The following PTPRQ variants were observed in gnomAD, a reference collection of about 807,000 sequenced individuals.
The protein encoded by PTPRQ is phosphatidylinositol phosphatase PTPRQ.
In PTPRQ, 199 loss-of-function variants were observed where a neutral mutation model predicts 246.0. The ratio of observed to expected loss-of-function variants is 0.81; its 90% CI spans 0.72 to 0.91. PTPRQ has a LOEUF of 0.91. Ranked by LOEUF, PTPRQ falls within the 40% of genes least tolerant of loss-of-function variation. The pLI, the probability that PTPRQ is intolerant of heterozygous loss-of-function variation, is 0.00. For missense variants in PTPRQ, 2,624 were observed against 2,528.4 expected (o/e 1.04, Z -0.81); for synonymous variants, 869 against 853.2 (o/e 1.02, Z -0.32).
At position 80,506,818 on chromosome 12, in the gene PTPRQ, T is replaced by A. The variant is rs114065774; in HGVS notation, c.2557+148T>A. 2.4e-3 allele frequency: 1,367 copies of A among 567,590 alleles called. 19 individuals are homozygous for A. In the African/African-American group the frequency reaches 0.025, roughly 10 times the overall value. 35.2% of individuals were successfully genotyped at this position (567,590 alleles called of 1,614,324 possible). A position where few individuals can be genotyped will look rare whatever the true frequency, so the allele number is the denominator to read the frequency against. On this transcript the variant is annotated intron_variant, in intron 16 of 44. Transcript: ENST00000644991. ...TTATACAGAGATTTCATTGTCATGG[T>A]ATAAAAGAAGCTAGCAACATCAGAT...
intron 43 of PTPRQ, among the ~76,000 whole-genome samples, chr12:80,676,997 C>G (rs11114565): frequency 0.37 from 56,848 of 151,828 alleles, 11,192 homozygotes; most frequent in African/African-American, 0.5. Context: ...AAACTTTTTT[C>G]ACAACAGTAT....
chr12:80,452,398 C>G (rs1259541950), intron 3 of PTPRQ, among the ~76,000 whole-genome samples: 1 of 152,154 alleles, frequency 6.6e-6, no homozygotes, highest in Non-Finnish European at 1.5e-5. Context: ...TGAATTTGAT[C>G]CTGTCATTAT....
chr12:80,480,404 G>A (rs1474827749), intron 8 of PTPRQ, among the ~76,000 whole-genome samples: 2 of 151,968 alleles, frequency 1.3e-5, no homozygotes, highest in East Asian at 3.9e-4. Context: ...AGCACTAAAT[G>A]CCCACAAGAG....
chr12:80,620,734 A>G (rs923576037), intron 32 of PTPRQ, among the ~76,000 whole-genome samples: 8 of 151,922 alleles, frequency 5.3e-5, no homozygotes, highest in African/African-American at 1.9e-4. Flanking sequence ...TTTACCATCC[A>G]TGCTGATGTA....
intron 25 of PTPRQ, among the ~76,000 whole-genome samples, chr12:80,567,588 T>C (rs1475860969): frequency 1.3e-5 from 2 of 152,220 alleles, no homozygotes; most frequent in African/African-American, 4.8e-5. Flanking sequence ...TCTCTTATGC[T>C]AGGTGGCCTG....
intron 17 of PTPRQ, among the ~76,000 whole-genome samples, chr12:80,525,005 G>A (rs1034589574): frequency 6.6e-6 from 1 of 152,148 alleles, no homozygotes; most frequent in Non-Finnish European, 1.5e-5. Flanking sequence ...TAAGCTTATT[G>A]CATCAACTCA....
chr12:80,466,379 A>T (rs547554187), intron 6 of PTPRQ, among the ~76,000 whole-genome samples: 169 of 152,326 alleles, frequency 1.1e-3, no homozygotes, highest in Non-Finnish European at 1.6e-3. Flanking sequence ...ATGAAAGAAC[A>T]TTCCATGCTC....
intron 33 of PTPRQ, among the ~76,000 whole-genome samples, chr12:80,628,341 G>T (rs567979418): frequency 3.3e-5 from 5 of 152,216 alleles, no homozygotes; most frequent in African/African-American, 1.2e-4. Context: ...ATGCAGGATA[G>T]CCACAGGAAC....
At position 80,460,682 on chromosome 12, in the gene PTPRQ, A is replaced by C; in HGVS notation, c.690A>C (p.Thr230=). 4 of 398,970 alleles carry C rather than the reference A, an allele frequency of 1.0e-5. No individual in the cohort carries two copies. Among genetic ancestry groups the C allele is most frequent in the Non-Finnish European group, 1.8e-5 (4 of 226,148 alleles). 24.7% of individuals were successfully genotyped at this position (398,970 alleles called of 1,614,324 possible). ...ATAGTGAATCTTTTTTATGGAGTAC[A>C]GCCAGCCCTTCTCCAACCCTTGGTA... is the stretch of plus-strand genomic sequence containing the variant. ...NENSESFLWS[T]ASPSPTLGRV... is the part of the protein sequence containing the mutation. Residue 230 remains threonine, a synonymous_variant, in exon 6 of 45, where the codon ACA becomes ACC. Transcript: ENST00000644991.
chr12:80,492,904 T>C (rs1409888430), intron 9 of PTPRQ, among the ~76,000 whole-genome samples: 1 of 151,992 alleles, frequency 6.6e-6, no homozygotes, highest in Non-Finnish European at 1.5e-5. Context: ...CACATTCTAA[T>C]ACATCAGTAT....
intron 35 of PTPRQ, among the ~76,000 whole-genome samples, chr12:80,648,234 T>C (rs1900140278): frequency 6.6e-6 from 1 of 152,156 alleles, no homozygotes; most frequent in African/African-American, 2.4e-5. Flanking sequence ...GTGCCTTTTG[T>C]GTTTTTTGCA....
Position 80,635,028 on chromosome 12 carries a change from T to G in PTPRQ, c.5870T>G (p.Leu1957Arg), listed in dbSNP as rs1395933348. 6.4e-7 allele frequency: 1 copy of G among 1,551,304 alleles called. No individual in the cohort carries two copies. ...IIDTKLKLDQ[L>R]ITVADLELKD... ...GACACTAAATTGAAGCTGGATCAGC[T>G]CATCACAGTGGCAGACCTGGAACTG... The change falls in exon 35 of 45, where the codon CTC (leucine) becomes CGC (arginine). Residue 1957 changes from leucine to arginine, a missense_variant. Physicochemically the swap from Leu to Arg is moderately radical, Grantham distance 102. Transcript: ENST00000644991.
At chr12:80,568,807 A>G (rs1897054187) in intron 25 of PTPRQ, among the ~76,000 whole-genome samples, 1 of 152,252 alleles carries the variant, frequency 6.6e-6, no homozygotes, top group East Asian at 1.9e-4. Context: ...GATTTTGAAC[A>G]AAGTGATGTC....
intron 26 of PTPRQ, among the ~76,000 whole-genome samples, chr12:80,599,332 T>C (rs550891828): frequency 6.6e-6 from 1 of 152,032 alleles, no homozygotes; most frequent in Admixed American, 6.6e-5. Flanking sequence ...TAAATTGCTG[T>C]GATTTATAAG....
At chr12:80,616,318 T>G in intron 30 of PTPRQ, 52 bp downstream of exon 30, 1 of 1,422,730 alleles carries the variant, frequency 7.0e-7, no homozygotes, top group Non-Finnish European at 9.2e-7. Flanking sequence ...GTGATTATAA[T>G]TTAAATTCCA....
chr12:80,518,112 G>C (rs372463793), intron 17 of PTPRQ, among the ~76,000 whole-genome samples: 6 of 152,020 alleles, frequency 3.9e-5, no homozygotes, highest in South Asian at 2.1e-4. Flanking sequence ...AGTGTACAAG[G>C]GTTCCCTTTT....
intron 20 of PTPRQ, among the ~76,000 whole-genome samples, chr12:80,541,330 A>C (rs1194795318): frequency 6.6e-6 from 1 of 152,096 alleles, no homozygotes; most frequent in Non-Finnish European, 1.5e-5. Context: ...TTATAGAAAC[A>C]ATTCCCATAC....
intron 25 of PTPRQ, among the ~76,000 whole-genome samples, chr12:80,551,104 CTCTT>C (rs1463864336): frequency 1.3e-5 from 2 of 151,946 alleles, no homozygotes; most frequent in African/African-American, 4.8e-5. Context: ...TGCATTTATC[CTCTT>C]TCTCTTTTTC....
intron 42 of PTPRQ, among the ~76,000 whole-genome samples, chr12:80,671,033 CA>C (rs1169418531): frequency 4.0e-5 from 6 of 151,882 alleles, no homozygotes; most frequent in Non-Finnish European, 8.8e-5. Context: ...ATATTTTTAA[CA>C]GGAGTGTACT....
Sources: allele counts gnomAD v4.1 joint callset (sites outside exome capture counted in the v4.1 genomes callset), GRCh38; gene constraint gnomAD v4.1.1; transcripts MANE v1.5; gene names NCBI Gene and HGNC (gene_info 2026-07-23, HGNC 2026-07-21).